Variants in WAPL observed in about 807,000 individuals in gnomAD.
WAPL encodes the protein wings apart-like protein homolog.
A neutral mutation model predicts 121.0 loss-of-function variants in WAPL; 5 were observed. The observed-to-expected ratio is 0.04, with a 90% CI of 0.02 to 0.09. WAPL has a LOEUF of 0.09. Among genes scored for constraint, WAPL ranks in the 10% least tolerant of loss-of-function variants. The pLI is 1.00. For missense variants in WAPL, 999 were observed against 1,410.8 expected (o/e 0.71, Z 4.68); for synonymous variants, 480 against 481.5 (o/e 1.00, Z 0.04).
intron 2 of WAPL, among the ~76,000 whole-genome samples, chr10:86,509,112 T>G (rs1842407856): frequency 6.6e-6 from 1 of 152,216 alleles, no homozygotes; most frequent in Non-Finnish European, 1.5e-5. Flanking sequence ...TGACTTCAAC[T>G]AATCCTTTCT....
At chr10:86,493,407 G>A (rs1230457726) in intron 4 of WAPL, among the ~76,000 whole-genome samples, 1 of 152,050 alleles carries the variant, frequency 6.6e-6, no homozygotes, top group Non-Finnish European at 1.5e-5. Flanking sequence ...TATAGAGAGG[G>A]AGAAAGGAAA....
chr10:86,447,045 C>T (rs931312269), intron 15 of WAPL, among the ~76,000 whole-genome samples: 2 of 152,184 alleles, frequency 1.3e-5, no homozygotes, highest in African/African-American at 4.8e-5. Context: ...AGAATCCCTA[C>T]GGATCCTTAA....
intron 18 of WAPL, 82 bp from the exon 19 acceptor site, chr10:86,437,690 G>A (rs1849358863): frequency 3.5e-6 from 5 of 1,437,864 alleles, no homozygotes; most frequent in Non-Finnish European, 4.8e-6. Context: ...TTTACCTCTA[G>A]ATTTACTAAA....
chr10:86,445,797 G>T (rs1448137929), intron 16 of WAPL, among the ~76,000 whole-genome samples: 1 of 152,048 alleles, frequency 6.6e-6, no homozygotes, highest in Admixed American at 6.6e-5. Flanking sequence ...GGGCTCACAG[G>T]TGTGAGCCAC....
intron 4 of WAPL, among the ~76,000 whole-genome samples, chr10:86,485,226 C>A (rs1841902518): frequency 6.6e-6 from 1 of 151,964 alleles, no homozygotes; most frequent in South Asian, 2.1e-4. Flanking sequence ...AACTTTCAAA[C>A]TTTAAAGGCA....
intron 17 of WAPL, 131 bp downstream of exon 17, chr10:86,443,144 C>T (rs1849514410): frequency 9.8e-6 from 6 of 613,992 alleles, no homozygotes; most frequent in Non-Finnish European, 1.6e-5. Flanking sequence ...CAGCCAATAG[C>T]CTTTGTGGAA....
At chr10:86,442,813 G>A (rs920824613) in intron 17 of WAPL, among the ~76,000 whole-genome samples, 86 of 152,230 alleles carry the variant, frequency 5.6e-4, no homozygotes, top group African/African-American at 1.9e-3. Flanking sequence ...TCCAAGGCAG[G>A]CGGATCACGA....
intron 2 of WAPL, among the ~76,000 whole-genome samples, chr10:86,503,193 G>C (rs1387748560): frequency 6.6e-6 from 1 of 152,100 alleles, no homozygotes; most frequent in Non-Finnish European, 1.5e-5. Flanking sequence ...TCACTGGCTG[G>C]GCGCGGGGGC....
chr10:86,462,613 G>C lies in WAPL; in HGVS notation c.2371-1326C>G, dbSNP rs181579320. On this transcript the variant is annotated intron_variant, in intron 9 of 18. Coordinates refer to ENST00000298767, the MANE Select transcript of WAPL (RefSeq NM_015045.5). ...TGGGTGCCTGTAATTCCAGCTACTCGGGAGGCTGAGGCAGGAGGAATTGCT... is the reference window on the plus strand; with the variant it reads ...TGGGTGCCTGTAATTCCAGCTACTCCGGAGGCTGAGGCAGGAGGAATTGCT... Among the ~76,000 whole-genome samples the C allele has an allele frequency of 2.0e-5, 3 of 151,666 alleles. No individual in the cohort carries two copies. In the South Asian group the frequency reaches 6.3e-4, roughly 32 times the overall value.
At chr10:86,508,264 T>C (rs1036771882) in intron 2 of WAPL, among the ~76,000 whole-genome samples, 2 of 152,206 alleles carry the variant, frequency 1.3e-5, no homozygotes, top group African/African-American at 4.8e-5. Context: ...ATAACCTCTT[T>C]GGTCATTTTA....
intron 8 of WAPL, among the ~76,000 whole-genome samples, chr10:86,467,722 G>A (rs987942437): frequency 2.0e-5 from 3 of 150,834 alleles, no homozygotes; most frequent in Admixed American, 2.0e-4. Flanking sequence ...TGTCGCCCAG[G>A]CTGGAGTGCA....
At chr10:86,439,161 G>A (rs1027221835) in intron 17 of WAPL, among the ~76,000 whole-genome samples, 4 of 152,142 alleles carry the variant, frequency 2.6e-5, no homozygotes, top group African/African-American at 7.2e-5. Flanking sequence ...TCAGAAATTT[G>A]CCACTACCCA....
chr10:86,445,815 C>G (rs778973450), intron 16 of WAPL, among the ~76,000 whole-genome samples: 1 of 152,106 alleles, frequency 6.6e-6, no homozygotes, highest in South Asian at 2.1e-4. Flanking sequence ...CACCAGCCTA[C>G]AGTATATTTC....
chr10:86,440,477 G>C (rs1849436788), intron 17 of WAPL, among the ~76,000 whole-genome samples: 1 of 151,638 alleles, frequency 6.6e-6, no homozygotes, highest in Non-Finnish European at 1.5e-5. Context: ...ATTTTTAGTA[G>C]AGACGGGGTT....
intron 7 of WAPL, among the ~76,000 whole-genome samples, chr10:86,471,982 C>G (rs1287180128): frequency 6.6e-6 from 1 of 150,802 alleles, no homozygotes; most frequent in Non-Finnish European, 1.5e-5. Flanking sequence ...CTCTTGAAAA[C>G]TGAAGCCTAT....
intron 17 of WAPL, among the ~76,000 whole-genome samples, chr10:86,441,516 G>A (rs981404420): frequency 3.3e-5 from 5 of 151,774 alleles, no homozygotes; most frequent in Middle Eastern, 3.4e-3. Context: ...GGTCCCACAG[G>A]GGAAATAAAC....
intron 2 of WAPL, among the ~76,000 whole-genome samples, chr10:86,511,409 G>C (rs1425415244): frequency 1.3e-5 from 2 of 152,214 alleles, no homozygotes; most frequent in Non-Finnish European, 2.9e-5. Context: ...TGCTCTTACA[G>C]TGACAGTCTC....
At chr10:86,502,377 G>T (rs527929659) in intron 2 of WAPL, among the ~76,000 whole-genome samples, 15 of 152,284 alleles carry the variant, frequency 9.9e-5, no homozygotes, top group African/African-American at 3.4e-4. Context: ...TATACTGCAT[G>T]TAAGTTGTCT....
At chr10:86,500,877 T>C in intron 2 of WAPL, 134 bp from the exon 3 acceptor site, 2 of 791,876 alleles carry the variant, frequency 2.5e-6, no homozygotes, top group Non-Finnish European at 3.8e-6. Context: ...TGTGAAGAAA[T>C]TAACATTTAC....
Sources: allele counts gnomAD v4.1 joint callset (sites outside exome capture counted in the v4.1 genomes callset), GRCh38; gene constraint gnomAD v4.1.1; transcripts MANE v1.5; gene names NCBI Gene and HGNC (gene_info 2026-07-23, HGNC 2026-07-21).